The following GALNT17 variants were observed in gnomAD, a reference collection of about 807,000 sequenced individuals.
The protein encoded by GALNT17 is polypeptide N-acetylgalactosaminyltransferase 17.
A neutral mutation model predicts 63.7 loss-of-function variants in GALNT17; 29 were observed. That is an observed-to-expected ratio of 0.46 (90% CI 0.34 to 0.62). The LOEUF (loss-of-function observed/expected upper bound fraction) is 0.62. Ranked by LOEUF, GALNT17 falls within the 20% of genes least tolerant of loss-of-function variation. The pLI is 0.01. For missense variants in GALNT17, 603 were observed against 799.6 expected (o/e 0.75, Z 2.97); for synonymous variants, 305 against 318.3 (o/e 0.96, Z 0.45).
intron 1 of GALNT17, among the ~76,000 whole-genome samples, chr7:71,189,284 A>G (rs927076350): frequency 5.9e-5 from 9 of 152,154 alleles, no homozygotes; most frequent in South Asian, 2.1e-4. Flanking sequence ...ATGATTGTGA[A>G]GCCTCCCCAG....
chr7:71,437,540 G>A (rs913486897), intron 5 of GALNT17, among the ~76,000 whole-genome samples: 7 of 152,136 alleles, frequency 4.6e-5, no homozygotes, highest in Non-Finnish European at 8.8e-5. Context: ...CTAGTTGGTC[G>A]GCTCTGCGTG....
intron 5 of GALNT17, among the ~76,000 whole-genome samples, chr7:71,472,508 G>C (rs188857113): frequency 6.6e-6 from 1 of 151,974 alleles, no homozygotes; most frequent in Non-Finnish European, 1.5e-5. Flanking sequence ...CCAACATGGT[G>C]AAACCCCGTG....
At chr7:71,508,777 C>T (rs893059917) in intron 5 of GALNT17, among the ~76,000 whole-genome samples, 1 of 152,124 alleles carries the variant, frequency 6.6e-6, no homozygotes, top group Admixed American at 6.5e-5. Context: ...TGTTCCTTCC[C>T]CAGTGACAGA....
At chr7:71,379,983 A>G (rs1458720523) in intron 2 of GALNT17, among the ~76,000 whole-genome samples, 1 of 152,204 alleles carries the variant, frequency 6.6e-6, no homozygotes, top group East Asian at 1.9e-4. Context: ...GGAAGATCCC[A>G]GAGGAGAAAA....
intron 9 of GALNT17, among the ~76,000 whole-genome samples, chr7:71,679,022 C>T (rs1315831182): frequency 6.6e-6 from 1 of 151,726 alleles, no homozygotes; most frequent in African/African-American, 2.4e-5. Context: ...AGCACCATCA[C>T]CATCTACGAT....
rs1789934485 is a variant in GALNT17 at position 71,238,356 on chromosome 7, G to T, written c.239-97194G>T. ...TTCACATTTGCATCTAGCTGCATTC[G>T]GAATTTATTTATTTATTTAGAGAGA... On this transcript the variant is annotated intron_variant, in intron 1 of 10. Transcript: ENST00000333538. Among the ~76,000 whole-genome samples, 4 of 151,990 alleles carry T rather than the reference G, an allele frequency of 2.6e-5. No homozygotes were observed. The South Asian group carries it at 8.3e-4, about 32-fold the overall frequency.
intron 1 of GALNT17, among the ~76,000 whole-genome samples, chr7:71,253,590 C>G (rs571028992): frequency 8.6e-5 from 13 of 151,148 alleles, no homozygotes; most frequent in African/African-American, 3.2e-4. Flanking sequence ...TCCCCAAACT[C>G]TCTTTGGAAA....
At chr7:71,442,289 C>T (rs1787081820) in intron 5 of GALNT17, among the ~76,000 whole-genome samples, 3 of 152,204 alleles carry the variant, frequency 2.0e-5, no homozygotes, top group East Asian at 1.9e-4. Context: ...CTCTGCCTGC[C>T]GGGTTTACGC....
intron 5 of GALNT17, among the ~76,000 whole-genome samples, chr7:71,428,202 T>C (rs1269877991): frequency 1.3e-5 from 2 of 152,204 alleles, no homozygotes; most frequent in Non-Finnish European, 1.5e-5. Context: ...TCCAGTTTTC[T>C]TATTCCCCCA....
intron 1 of GALNT17, among the ~76,000 whole-genome samples, chr7:71,172,833 A>G (rs1455609600): frequency 6.6e-6 from 1 of 152,200 alleles, no homozygotes; most frequent in Non-Finnish European, 1.5e-5. Context: ...AAATGTCCTC[A>G]TACTCCTGTT....
intron 5 of GALNT17, among the ~76,000 whole-genome samples, chr7:71,568,459 G>T (rs1251192876): frequency 6.6e-6 from 1 of 152,168 alleles, no homozygotes; most frequent in African/African-American, 2.4e-5. Flanking sequence ...TTAGTTGCTC[G>T]GATGACAGAG....
chr7:71,206,398 G>A (rs986833476), intron 1 of GALNT17, among the ~76,000 whole-genome samples: 11 of 152,008 alleles, frequency 7.2e-5, no homozygotes, highest in African/African-American at 2.4e-4. Context: ...GATCTCCCCT[G>A]ACTTGGCCAG....
intron 1 of GALNT17, among the ~76,000 whole-genome samples, chr7:71,224,197 G>A (rs1038866589): frequency 2.6e-5 from 4 of 152,058 alleles, no homozygotes; most frequent in African/African-American, 9.7e-5. Flanking sequence ...GTAGTCATAT[G>A]CCACCATGCC....
rs1279754066 is a variant in GALNT17, at chr7:71,665,453, C to T, written c.1123C>T (p.Arg375Trp). ...GGSMEVLPCS[R>W]VAHIERKKKP... is the part of the protein sequence containing the mutation. ...CAGCATGGAGGTCCTTCCTTGCTCACGGGTGGCCCACATTGAGCGGAAGAA... is the reference window on the plus strand; with the variant it reads ...CAGCATGGAGGTCCTTCCTTGCTCATGGGTGGCCCACATTGAGCGGAAGAA... Residue 375 changes from arginine (R) to tryptophan (W), a missense_variant, in exon 7 of 11, where the codon CGG (arginine) becomes TGG (tryptophan). Physicochemically the swap from Arg to Trp is moderately radical, Grantham distance 101 (BLOSUM62 -3). Coordinates refer to ENST00000333538, the MANE Select transcript of GALNT17 (RefSeq NM_022479.3). 6 of 1,612,768 alleles carry T rather than the reference C, an allele frequency of 3.7e-6. No homozygotes were observed. The highest frequency in any genetic ancestry group is 1.3e-5 in the African/African-American group (1 of 74,838).
chr7:71,562,824 C>T (rs1789278017), intron 5 of GALNT17, among the ~76,000 whole-genome samples: 1 of 152,024 alleles, frequency 6.6e-6, no homozygotes, highest in African/African-American at 2.4e-5. Flanking sequence ...GGGTTGATGG[C>T]TGGAAAGGAA....
intron 1 of GALNT17, among the ~76,000 whole-genome samples, chr7:71,135,195 T>C (rs1264567882): frequency 6.6e-6 from 1 of 152,126 alleles, no homozygotes; most frequent in African/African-American, 2.4e-5. Flanking sequence ...TATATAGCTG[T>C]ACCCTAACTT....
At chr7:71,409,049 C>CACACACAG (rs1793384364) in intron 3 of GALNT17, among the ~76,000 whole-genome samples, 1 of 148,080 alleles carries the variant, frequency 6.8e-6, no homozygotes, top group Non-Finnish European at 1.5e-5. Context: ...CACACACACA[C>CACACACAG]ACATTTAAAT....
chr7:71,658,168 A>G (rs1160545009), intron 6 of GALNT17, among the ~76,000 whole-genome samples: 1 of 152,120 alleles, frequency 6.6e-6, no homozygotes, highest in Non-Finnish European at 1.5e-5. Context: ...CAGCCTCCCA[A>G]ATTGCTGGGA....
chr7:71,379,045 A>G (rs1380827345), intron 2 of GALNT17, among the ~76,000 whole-genome samples: 5 of 152,072 alleles, frequency 3.3e-5, no homozygotes, highest in Non-Finnish European at 7.4e-5. Flanking sequence ...GAACGCCTGC[A>G]CTCTTGGAGT....
Sources: gnomAD v4.1 joint callset for allele counts (sites outside exome capture counted in the v4.1 genomes callset) on GRCh38, gnomAD v4.1.1 for gene constraint, MANE v1.5 for transcripts, NCBI Gene and HGNC (gene_info 2026-07-23, HGNC 2026-07-21) for gene names.